HELZ: variants seen among roughly 807,000 people sequenced by gnomAD.
HELZ encodes the protein helicase with zinc finger, also known as ATP-dependent RNA helicase with zinc finger domain.
HELZ carries 23 observed loss-of-function variants against 218.2 expected under a neutral mutation model. The observed-to-expected ratio is 0.11, with a 90% confidence interval of 0.08 to 0.15. The LOEUF is 0.15. HELZ is among the 10% of genes least tolerant of loss of function. The pLI, the probability that HELZ is intolerant of heterozygous loss-of-function variation, is 1.00. For missense variants in HELZ, 1,813 were observed against 2,353.7 expected, an observed-to-expected ratio of 0.77 and a Z score of 4.75; for synonymous variants, 814 against 829.4, an observed-to-expected ratio of 0.98 and a Z score of 0.32.
At position 67,178,747 on chromosome 17, in the gene HELZ, C is replaced by T. The variant is rs1439226712; in HGVS notation, c.1342G>A (p.Asp448Asn). The T allele has an allele frequency of 3.1e-6, 5 of 1,613,786 alleles. No individual in the cohort carries two copies. Among genetic ancestry groups the T allele is most frequent in the Non-Finnish European group, 4.2e-6 (5 of 1,179,904 alleles). ...ADQLFTQSVL[D>N]KSLTKSNYQS... is the part of the protein sequence containing the mutation. ...TAGTTGCTCTTGGTCAATGATTTGT[C>T]TAAAACGGACTGAGTAAATAGCTGG... Residue 448 changes from aspartate to asparagine, a missense_variant, in exon 13 of 33, where the codon GAC becomes AAC. This residue lies in a region of HELZ where 714 missense variants were observed against 1,029.2 expected (regional missense o/e 0.69). Coordinates refer to ENST00000358691, the MANE Select transcript of HELZ (RefSeq NM_014877.4).
In HELZ at chr17:67,086,841, T is replaced by G; in HGVS notation, c.5482A>C (p.Arg1828=). 1 of 1,613,608 alleles carries G rather than the reference T, an allele frequency of 6.2e-7. No individual in the cohort carries two copies. The highest frequency in any genetic ancestry group is 8.5e-7 in the Non-Finnish European group (1 of 1,179,914). ...AACTCTGTCTTACCTATCAACTCTCTGGGCTGAGCTGTCCTGCTGGATCCA... is the reference window on the plus strand; with the variant it reads ...AACTCTGTCTTACCTATCAACTCTCGGGGCTGAGCTGTCCTGCTGGATCCA... The part of the protein sequence containing the change: ...CNGSSRTAQP[R]ELIAPPKTVK... The change falls in exon 32 of 33, where the codon AGA becomes CGA. Residue 1828 remains arginine (R), a synonymous_variant. Transcript: ENST00000358691.
chr17:67,135,457 C>T (rs10445332), intron 23 of HELZ, among the ~76,000 whole-genome samples: 1,840 of 152,316 alleles, frequency 0.012, 21 homozygotes, highest in Non-Finnish European at 0.02. Context: ...TAGCTTCTCC[C>T]TCACTTCCAA....
Position 67,178,922 on chromosome 17 carries a change from G to A in HELZ, c.1167C>T (p.Leu389=), listed in dbSNP as rs185945079. 2.5e-5 allele frequency: 40 copies of A among 1,589,452 alleles called. No homozygotes were observed. Among genetic ancestry groups the A allele is most frequent in the East Asian group, 9.0e-5 (4 of 44,412 alleles). ...VMIDAASTED[L]EYLMHAKQQL... ...GCTGTTTTGCATGCATCAGGTATTC[G>A]AGATCTAAATGGAAACAAAAAACAC... is the stretch of plus-strand genomic sequence containing the variant. Residue 389 remains leucine (L), a synonymous_variant, in exon 13 of 33, where the codon CTC becomes CTT. Coordinates refer to ENST00000358691, the MANE Select transcript of HELZ (RefSeq NM_014877.4).
At chr17:67,235,449 G>A (rs1208863356) in intron 3 of HELZ, among the ~76,000 whole-genome samples, 1 of 151,614 alleles carries the variant, frequency 6.6e-6, no homozygotes, top group African/African-American at 2.4e-5. Context: ...AGGCTGCAGT[G>A]AGTCGAGATC....
chr17:67,188,056 T>C lies in HELZ; in HGVS notation c.1162+263A>G, dbSNP rs951850698. 9.9e-5 allele frequency among the ~76,000 whole-genome samples: 15 copies of C among 152,188 alleles called. No homozygotes were observed. The highest frequency in any genetic ancestry group is 2.9e-4 in the African/African-American group (12 of 41,454). On this transcript the variant is annotated intron_variant, in intron 12 of 32. Transcript: ENST00000358691. This position sits in a 1 kb window ranked among gnomAD's most constrained non-coding sequence, Gnocchi z 4.1. ...CCATCTTACTGTGAAATGAAACTGG[T>C]AGACCAAAACAGGTCTGATCATCTA... is the stretch of plus-strand genomic sequence containing the variant.
chr17:67,107,560 G>C lies in HELZ; in HGVS notation c.4850C>G (p.Ala1617Gly). 3.1e-6 allele frequency: 5 copies of C among 1,614,162 alleles called. No homozygotes were observed. Among genetic ancestry groups the C allele is most frequent in the Non-Finnish European group, 4.2e-6 (5 of 1,180,028 alleles). The change falls in exon 31 of 33, where the codon GCA becomes GGA. Residue 1617 changes from alanine (A) to glycine (G), a missense_variant. This residue lies in a region of HELZ where 938 missense variants were observed against 1,027.5 expected (regional missense o/e 0.91). Transcript: ENST00000358691. ...YRQVQSRSPP[A>G]VPSPPSSTDH... ...TGTACTGGATGGGGGAGATGGGACT[G>C]CTGGTGGGCTTCTACTCTGTACTTG...
Position 67,077,459 on chromosome 17 carries a change from T to C in HELZ, c.*793A>G, listed in dbSNP as rs1161928056. ...CAAGTCTACTAAGCACCAACAATCCTAAAAATTTTTCAGCTTCTTGATTTG... is the reference window on the plus strand; with the variant it reads ...CAAGTCTACTAAGCACCAACAATCCCAAAAATTTTTCAGCTTCTTGATTTG... On this transcript the variant is annotated 3_prime_UTR_variant, in exon 33 of 33. Transcript: ENST00000358691. 21 of 151,894 alleles carry C rather than the reference T, an allele frequency of 1.4e-4. No individual in the cohort carries two copies. Among genetic ancestry groups the C allele is most frequent in the Admixed American group, 1.4e-3 (21 of 15,242 alleles). 9.4% of individuals were successfully genotyped at this position (151,894 alleles called of 1,614,324 possible).
At chr17:67,149,177 T>C (rs781567291) in intron 19 of HELZ, among the ~76,000 whole-genome samples, 12 of 152,222 alleles carry the variant, frequency 7.9e-5, no homozygotes, top group Non-Finnish European at 1.2e-4. Flanking sequence ...GAGCCATTCA[T>C]GGTTATGCCT....
intron 9 of HELZ, 119 bp from the exon 10 acceptor site, chr17:67,190,474 AT>A: frequency 1.4e-6 from 1 of 715,376 alleles, no homozygotes; most frequent in South Asian, 1.8e-5. Flanking sequence ...CTGAAAGGCC[AT>A]ATTTATCGTA....
chr17:67,181,523 T>C lies in HELZ; in HGVS notation c.1163-2597A>G, dbSNP rs545443357. On this transcript the variant is annotated intron_variant, in intron 12 of 32. Coordinates refer to ENST00000358691, the MANE Select transcript of HELZ (RefSeq NM_014877.4). The stretch of plus-strand genomic sequence containing the variant: ...GCTTGTATCAAAATATCACACATAC[T>C]TCATAAATGTATACAACTATTATGT... 2.6e-5 allele frequency among the ~76,000 whole-genome samples: 4 copies of C among 152,302 alleles called. No individual in the cohort carries two copies. The East Asian group carries it at 7.7e-4, about 29-fold the overall frequency.
intron 32 of HELZ, among the ~76,000 whole-genome samples, chr17:67,085,819 T>TA (rs1020210713): frequency 6.6e-6 from 1 of 152,120 alleles, no homozygotes; most frequent in Non-Finnish European, 1.5e-5. Context: ...ACATTCAATA[T>TA]AAAAAAGAGA....
intron 31 of HELZ, among the ~76,000 whole-genome samples, chr17:67,097,578 A>G (rs779132102): frequency 2.0e-5 from 3 of 152,228 alleles, no homozygotes; most frequent in Non-Finnish European, 2.9e-5. Flanking sequence ...ACATCCATAT[A>G]CAAGGTCATA....
chr17:67,211,082 T>C (rs1253155096), intron 5 of HELZ, among the ~76,000 whole-genome samples: 1 of 152,162 alleles, frequency 6.6e-6, no homozygotes, highest in African/African-American at 2.4e-5. Context: ...ATCTTCACTA[T>C]CCAGAATACA....
At chr17:67,125,286 C>CTATATATATA (rs57513241) in intron 24 of HELZ, among the ~76,000 whole-genome samples, 3 of 70,162 alleles carry the variant, frequency 4.3e-5, no homozygotes, top group Non-Finnish European at 5.4e-5. Context: ...TTGGCACCAA[C>CTATATATATA]TATATATATA....
intron 12 of HELZ, among the ~76,000 whole-genome samples, chr17:67,182,019 CTCTT>C (rs528691983): frequency 2.8e-4 from 43 of 152,178 alleles, no homozygotes; most frequent in Non-Finnish European, 5.4e-4. Context: ...CCTACTGGGG[CTCTT>C]TGTCATCTCC....
At chr17:67,191,045 G>T (rs1443092548) in intron 9 of HELZ, among the ~76,000 whole-genome samples, 1 of 148,960 alleles carries the variant, frequency 6.7e-6, no homozygotes, top group Non-Finnish European at 1.5e-5. Context: ...ACATCAAGTG[G>T]ATTTGCTGCT....
At chr17:67,112,341 CT>C (rs2037304169) in intron 28 of HELZ, among the ~76,000 whole-genome samples, 1 of 152,216 alleles carries the variant, frequency 6.6e-6, no homozygotes, top group Non-Finnish European at 1.5e-5. Context: ...GATATCTTGG[CT>C]TCAGTTGCTC....
At chr17:67,109,826 C>A in intron 28 of HELZ, 140 bp from the exon 29 acceptor site, 1 of 562,596 alleles carries the variant, frequency 1.8e-6, no homozygotes. Context: ...CAATTATTTA[C>A]TTTCTCACAA....
chr17:67,150,194 G>A, intron 18 of HELZ: 1 of 352,762 alleles, frequency 2.8e-6, no homozygotes, highest in Non-Finnish European at 4.8e-6. Flanking sequence ...GGAGTGCAGT[G>A]CTATATGATC....
Sources: gnomAD v4.1 joint callset for allele counts (sites outside exome capture counted in the v4.1 genomes callset) on GRCh38, gnomAD v4.1.1 for gene constraint, gnomAD v4.1.1 regional missense constraint, Gnocchi (gnomAD v3.1) non-coding constraint, MANE v1.5 for transcripts, NCBI Gene and HGNC (gene_info 2026-07-23, HGNC 2026-07-21) for gene names.